The following NLRC5 variants were observed in gnomAD, a reference collection of about 807,000 sequenced individuals.
The protein encoded by NLRC5 is protein NLRC5.
NLRC5 carries 114 observed loss-of-function variants against 206.9 expected under a neutral mutation model. The observed-to-expected ratio is 0.55, with a 90% CI of 0.47 to 0.64. The LOEUF (loss-of-function observed/expected upper bound fraction) is 0.64, where lower values mean the gene tolerates loss of function less well. NLRC5 is among the 30% of genes least tolerant of loss of function. The pLI, the probability that NLRC5 is intolerant of heterozygous loss-of-function variation, is 0.00. For synonymous variants in NLRC5, 952 were observed against 962.8 expected (o/e 0.99, Z 0.21); for missense variants, 2,008 against 2,305.5 (o/e 0.87, Z 2.64).
Position 57,026,360 on chromosome 16 carries a change from G to C in NLRC5, c.1417G>C (p.Val473Leu), listed in dbSNP as rs142400015. 7.7e-5 allele frequency: 124 copies of C among 1,613,850 alleles called. No homozygotes were observed. The highest frequency in any genetic ancestry group is 1.0e-4 in the Non-Finnish European group (118 of 1,180,060). Reference sequence around the variant, plus strand: ...CCTGAGGGGCCTGGAGACAGGGAAGGTTATCTTCTATGCAAAAGATATTGC... The same window carrying C: ...CCTGAGGGGCCTGGAGACAGGGAAGCTTATCTTCTATGCAAAAGATATTGC... ...VALRGLETGK[V>L]IFYAKDIAPP... The change falls in exon 6 of 49, where the codon GTT becomes CTT. Residue 473 changes from valine to leucine, a missense_variant. Transcript: ENST00000688547.
At chr16:57,061,926 G>GA in intron 32 of NLRC5, 1 of 1,510,950 alleles carries the variant, frequency 6.6e-7, no homozygotes, top group Non-Finnish European at 8.8e-7. Flanking sequence ...TGGGATTTAA[G>GA]AAAAAAAGAA....
At chr16:57,020,043 G>T (rs969377765) in intron 2 of NLRC5, among the ~76,000 whole-genome samples, 1 of 152,016 alleles carries the variant, frequency 6.6e-6, no homozygotes, top group Non-Finnish European at 1.5e-5. Flanking sequence ...CTCTGGAGCT[G>T]ATCCCTGGGC....
chr16:57,035,520 A>G (rs73546830), intron 13 of NLRC5, among the ~76,000 whole-genome samples: 1,625 of 152,088 alleles, frequency 0.011, 33 homozygotes, highest in African/African-American at 0.037. Flanking sequence ...TCAGGTCCTC[A>G]TATGTGTTAT....
intron 14 of NLRC5, among the ~76,000 whole-genome samples, chr16:57,036,892 G>A (rs2062654830): frequency 6.6e-6 from 1 of 152,114 alleles, no homozygotes; most frequent in Admixed American, 6.5e-5. Context: ...ACAGAGTCTG[G>A]TATAGTCAGG....
chr16:57,049,733 CAAATAAATAAAT>C (rs141407636), intron 23 of NLRC5, among the ~76,000 whole-genome samples: 28 of 145,288 alleles, frequency 1.9e-4, no homozygotes, highest in African/African-American at 5.3e-4. Context: ...GACTCTGTCT[CAAATAAATAAAT>C]AAATAAATAA....
At chr16:57,060,005 G>A (rs1402684407) in intron 30 of NLRC5, among the ~76,000 whole-genome samples, 1 of 150,378 alleles carries the variant, frequency 6.6e-6, no homozygotes, top group Non-Finnish European at 1.5e-5. Flanking sequence ...TGGGAGTGCT[G>A]TCAGCAGTTA....
rs1350420546 is a variant in NLRC5 at position 57,043,550 on chromosome 16, T to C, written c.3149T>C (p.Leu1050Ser). 1 of 1,614,050 alleles carries C rather than the reference T, an allele frequency of 6.2e-7. No homozygotes were observed. The highest frequency in any genetic ancestry group is 1.7e-5 in the Admixed American group (1 of 60,002). ...SENGLSLDAV[L>S]GLVRCFSTLQ... ...AACGGTTTGTCCCTGGATGCCGTGT[T>C]GGGTTTGGTTCGGTGCTTCTCCACT... Residue 1050 changes from leucine (L) to serine (S), a missense_variant, in exon 20 of 49, where the codon TTG becomes TCG. Physicochemically the swap from Leu to Ser is moderately radical, Grantham distance 145. Coordinates refer to ENST00000688547, the MANE Select transcript of NLRC5 (RefSeq NM_001384950.1).
intron 8 of NLRC5, among the ~76,000 whole-genome samples, chr16:57,028,998 T>C (rs1459006221): frequency 2.6e-5 from 4 of 152,214 alleles, no homozygotes; most frequent in Non-Finnish European, 5.9e-5. Flanking sequence ...TGCTAGTTTA[T>C]ATGGCACCTT....
At chr16:57,082,104 T>C (rs973990896) in intron 48 of NLRC5, among the ~76,000 whole-genome samples, 2 of 152,246 alleles carry the variant, frequency 1.3e-5, no homozygotes, top group African/African-American at 4.8e-5. Flanking sequence ...TCATATATTA[T>C]GACAATTTCA....
Position 57,078,080 on chromosome 16 carries a change from G to GC in NLRC5, c.5081+60_5081+61insC. 7 of 1,351,830 alleles carry GC rather than the reference G, an allele frequency of 5.2e-6. No homozygotes were observed. The African/African-American group carries it at 8.0e-5, about 16-fold the overall frequency. The allele number at this position is 1,351,830 out of a possible 1,614,324, so 83.7% of individuals were successfully genotyped here. A position where few individuals can be genotyped will look rare whatever the true frequency, so the allele number is the denominator to read the frequency against. On this transcript the variant is annotated intron_variant, in intron 43 of 48. Transcript: ENST00000688547. ...GTGGGGAGGAGGGTCCTCGGGAGCA[G>GC]TGGGGGGGTCCAGGCCCCCATCAGT...
intron 38 of NLRC5, among the ~76,000 whole-genome samples, chr16:57,072,583 G>C (rs2067908638): frequency 6.6e-6 from 1 of 152,150 alleles, no homozygotes; most frequent in Non-Finnish European, 1.5e-5. Context: ...TCTTAGAAAT[G>C]CCAGAAACAG....
At chr16:57,074,767 G>A (rs2068152949) in intron 39 of NLRC5, 84 bp downstream of exon 39, 2 of 1,320,724 alleles carry the variant, frequency 1.5e-6, no homozygotes, top group Non-Finnish European at 2.2e-6. Context: ...AAGCACTGAG[G>A]CCACCTCCCA....
rs373994979 is a variant in NLRC5 at position 57,001,717 on chromosome 16, A to G, written c.-128+12100A>G. Among the ~76,000 whole-genome samples, 18 of 152,302 alleles carry G rather than the reference A, an allele frequency of 1.2e-4. No homozygotes were observed. In the South Asian group the frequency reaches 3.7e-3, roughly 32 times the overall value. On this transcript the variant is annotated intron_variant, in intron 1 of 48. Coordinates refer to ENST00000688547, the MANE Select transcript of NLRC5 (RefSeq NM_001384950.1). ...TCACATCAGGGTAAATGGGGTTTCC[A>G]TCACCTCAAGCATTTATCCTTTGTG...
intron 20 of NLRC5, 104 bp from the exon 21 acceptor site, chr16:57,045,344 G>A (rs1054883086): frequency 3.9e-6 from 4 of 1,023,216 alleles, no homozygotes; most frequent in Admixed American, 1.9e-5. Flanking sequence ...TAAGAAAGCA[G>A]GCCACCCCAG....
chr16:57,050,996 G>T (rs1252609810), intron 23 of NLRC5, among the ~76,000 whole-genome samples: 1 of 152,040 alleles, frequency 6.6e-6, no homozygotes. Context: ...ATTACTACAG[G>T]TGTGCACCAC....
At chr16:57,062,453 C>G (rs1426368356) in intron 32 of NLRC5, 1 of 255,476 alleles carries the variant, frequency 3.9e-6, no homozygotes, top group Non-Finnish European at 7.7e-6. Flanking sequence ...GCATCACTGC[C>G]CCCATCCCCT....
chr16:57,017,912 C>T (rs565138487), intron 2 of NLRC5, among the ~76,000 whole-genome samples: 6 of 152,330 alleles, frequency 3.9e-5, no homozygotes, highest in Non-Finnish European at 8.8e-5. Flanking sequence ...TTTCAACCAT[C>T]GTCCTCTGTC....
intron 1 of NLRC5, among the ~76,000 whole-genome samples, chr16:57,001,672 T>C (rs1319966276): frequency 6.6e-6 from 1 of 152,222 alleles, no homozygotes; most frequent in Non-Finnish European, 1.5e-5. Flanking sequence ...GATGTTTTGA[T>C]ATAGGCGTCC....
chr16:57,022,908 C>T (rs1157627779), intron 4 of NLRC5, among the ~76,000 whole-genome samples: 1 of 152,262 alleles, frequency 6.6e-6, no homozygotes, highest in East Asian at 1.9e-4. Flanking sequence ...CTCAGCTCCC[C>T]AGTGAATCAA....
Sources: allele counts gnomAD v4.1 joint callset (sites outside exome capture counted in the v4.1 genomes callset), GRCh38; gene constraint gnomAD v4.1.1; transcripts MANE v1.5; gene names NCBI Gene and HGNC (gene_info 2026-07-23, HGNC 2026-07-21).